XPOT: variants seen among roughly 807,000 people sequenced by gnomAD.
The protein encoded by XPOT is exportin-T.
Under a neutral mutation model 128.2 loss-of-function variants are expected in XPOT, and 34 were observed. That is an observed-to-expected ratio of 0.27 (90% confidence interval 0.20 to 0.35). The LOEUF (loss-of-function observed/expected upper bound fraction) is 0.35. XPOT is among the 10% of genes least tolerant of loss of function. The pLI, the probability that XPOT is intolerant of heterozygous loss-of-function variation, is 1.00. For missense variants in XPOT, 838 were observed against 1,125.3 expected (o/e 0.74, Z 3.65); for synonymous variants, 348 against 394.3 (o/e 0.88, Z 1.39).
intron 2 of XPOT, among the ~76,000 whole-genome samples, chr12:64,413,731 T>G (rs947439333): frequency 6.6e-6 from 1 of 152,164 alleles, no homozygotes; most frequent in African/African-American, 2.4e-5. Context: ...AAAAAATAAC[T>G]TTACATCTCG....
chr12:64,420,637 G>T, intron 8 of XPOT, 116 bp downstream of exon 8: 1 of 800,968 alleles, frequency 1.2e-6, no homozygotes. Context: ...CTCCCCTTGA[G>T]ATTATAATAT....
chr12:64,411,358 T>C (rs1409764948), intron 2 of XPOT, among the ~76,000 whole-genome samples: 1 of 152,218 alleles, frequency 6.6e-6, no homozygotes, highest in Non-Finnish European at 1.5e-5. Context: ...TGGCCTTTAC[T>C]GTTATTTTTA....
chr12:64,443,389 T>C (rs2040342625), intron 23 of XPOT: 1 of 152,220 alleles, frequency 6.6e-6, no homozygotes, highest in Admixed American at 6.5e-5. Flanking sequence ...TTGCTTTGGG[T>C]AGCAAAGACA....
rs1164008137 is a variant in XPOT at position 64,418,026 on chromosome 12, T to C, written c.201-20T>C. The C allele has an allele frequency of 6.3e-7, 1 of 1,593,116 alleles. No homozygotes were observed. Among genetic ancestry groups the C allele is most frequent in the Admixed American group, 1.8e-5 (1 of 56,816 alleles). On this transcript the variant is annotated intron_variant, in intron 4 of 24. Transcript: ENST00000332707. ...ACACCAAATATAGCCATTATTCTTT[T>C]TCTTCTCTATTTTGAACAGATACTC...
At chr12:64,433,342 G>T in intron 18 of XPOT, 72 bp from the exon 19 acceptor site, 1 of 1,389,048 alleles carries the variant, frequency 7.2e-7, no homozygotes, top group Non-Finnish European at 9.7e-7. Flanking sequence ...AAGGCTTTAT[G>T]TAAAATAGTT....
chr12:64,421,253 C>T lies in XPOT; in HGVS notation c.862C>T (p.Leu288=). Residue 288 remains leucine (L), a synonymous_variant, in exon 9 of 25, where the codon CTG becomes TTG. Coordinates refer to ENST00000332707, the MANE Select transcript of XPOT (RefSeq NM_007235.6). ...SIDQEEDVDF[L]ARFSKLVNGM... ...CTTATAGGAAGAAGATGTTGACTTC[C>T]TGGCCAGATTTTCTAAGTTGGTAAA... 1 of 1,613,756 alleles carries T rather than the reference C, an allele frequency of 6.2e-7. No homozygotes were observed. The highest frequency in any genetic ancestry group is 1.7e-4 in the Middle Eastern group (1 of 6,054).
chr12:64,435,365 T>G (rs1180944117), intron 21 of XPOT, among the ~76,000 whole-genome samples: 7 of 152,216 alleles, frequency 4.6e-5, no homozygotes, highest in Admixed American at 4.6e-4. Flanking sequence ...TCCCACAACC[T>G]GGTAAAAGCT....
intron 4 of XPOT, 73 bp downstream of exon 4, chr12:64,416,827 C>T: frequency 1.9e-5 from 24 of 1,295,856 alleles, no homozygotes; most frequent in Non-Finnish European, 2.5e-5. Context: ...GTTTTTCTTC[C>T]ATAAGGAAAC....
rs757751511 is a variant in XPOT, at chr12:64,420,385, T to C, written c.707T>C (p.Ile236Thr). Residue 236 changes from isoleucine to threonine, a missense_variant, in exon 8 of 25, where the codon ATA becomes ACA. Around this residue, in one of 3 missense-constraint regions of XPOT, gnomAD observed 761 missense variants for 988.3 expected, o/e 0.77. Transcript: ENST00000332707. ...FINMLLGHMS[I>T]EVLREEACDC... ...AATATGCTGCTAGGTCATATGTCAATAGAAGTTCTACGGGAAGAAGCATGT... is the reference window on the plus strand; with the variant it reads ...AATATGCTGCTAGGTCATATGTCAACAGAAGTTCTACGGGAAGAAGCATGT... 16 of 1,613,762 alleles carry C rather than the reference T, an allele frequency of 9.9e-6. No individual in the cohort carries two copies. The highest frequency in any genetic ancestry group is 3.3e-4 in the Middle Eastern group (2 of 6,056).
chr12:64,411,335 T>C (rs1181653433), intron 2 of XPOT, among the ~76,000 whole-genome samples: 1 of 152,206 alleles, frequency 6.6e-6, no homozygotes, highest in Non-Finnish European at 1.5e-5. Context: ...TGACTGTATG[T>C]TTAGTTATTA....
chr12:64,441,868 CT>C (rs372458496), intron 23 of XPOT, among the ~76,000 whole-genome samples: 36 of 144,948 alleles, frequency 2.5e-4, no homozygotes, highest in Non-Finnish European at 3.1e-4. Context: ...TTTGTTTTTG[CT>C]TTTTTTTTTA....
intron 3 of XPOT, 39 bp from the exon 4 acceptor site, chr12:64,416,659 C>T: frequency 1.3e-6 from 2 of 1,548,742 alleles, no homozygotes; most frequent in East Asian, 4.5e-5. Context: ...TTCCTCAGTT[C>T]ATATTCTGCT....
At position 64,411,058 on chromosome 12, in the gene XPOT, A is replaced by G. The variant is rs1262987522; in HGVS notation, c.60+963A>G. 3.3e-5 allele frequency among the ~76,000 whole-genome samples: 5 copies of G among 152,234 alleles called. No individual in the cohort carries two copies. In the East Asian group the frequency reaches 5.8e-4, roughly 18 times the overall value. On this transcript the variant is annotated intron_variant, in intron 2 of 24. Transcript: ENST00000332707. ...CCCAACTAGTTTCTAATACAGTACC[A>G]TGTGCATGTCTCTGCTACTAAATAA...
At chr12:64,416,889 T>TA in intron 4 of XPOT, 135 bp downstream of exon 4, 3 of 809,712 alleles carry the variant, frequency 3.7e-6, no homozygotes, top group Non-Finnish European at 5.9e-6. Context: ...AGGTTATAGA[T>TA]ACGTTTTGAT....
intron 2 of XPOT, among the ~76,000 whole-genome samples, 168 bp downstream of exon 2, chr12:64,410,263 G>A: frequency 6.6e-6 from 1 of 152,128 alleles, no homozygotes; most frequent in East Asian, 1.9e-4. Flanking sequence ...TGAGTGTTGT[G>A]ATTTATTTTC....
intron 2 of XPOT, among the ~76,000 whole-genome samples, chr12:64,414,230 C>G (rs1008596508): frequency 6.6e-6 from 1 of 152,160 alleles, no homozygotes; most frequent in African/African-American, 2.4e-5. Flanking sequence ...CTAGAGTACT[C>G]TTGCTCCTTG....
chr12:64,424,900 A>T (rs1051942277), intron 12 of XPOT, 138 bp from the exon 13 acceptor site: 10 of 1,321,890 alleles, frequency 7.6e-6, no homozygotes, highest in Admixed American at 6.9e-5. Flanking sequence ...TACCTTTGTG[A>T]TGTATTGCCT....
chr12:64,433,828 G>A (rs925565210), intron 19 of XPOT, among the ~76,000 whole-genome samples: 2 of 151,618 alleles, frequency 1.3e-5, no homozygotes, highest in South Asian at 4.2e-4. Flanking sequence ...TTTTTAATTT[G>A]GTTCTTTAGC....
chr12:64,430,728 TTGTAAAGA>T (rs947680889), intron 17 of XPOT, among the ~76,000 whole-genome samples: 6 of 152,108 alleles, frequency 3.9e-5, no homozygotes, highest in African/African-American at 1.4e-4. Flanking sequence ...AGCATGAAAG[TTGTAAAGA>T]TTGCTAATTT....
Sources: gnomAD v4.1 joint callset for allele counts (sites outside exome capture counted in the v4.1 genomes callset) on GRCh38, gnomAD v4.1.1 for gene constraint, gnomAD v4.1.1 regional missense constraint, MANE v1.5 for transcripts, NCBI Gene and HGNC (gene_info 2026-07-23, HGNC 2026-07-21) for gene names.